Variants in C4BPA observed in about 807,000 individuals in gnomAD.
C4BPA encodes the protein C4b-binding protein alpha chain.
A neutral mutation model predicts 63.7 loss-of-function variants in C4BPA; 31 were observed. The ratio of observed to expected loss-of-function variants is 0.49; its 90% CI spans 0.37 to 0.66. C4BPA has a LOEUF of 0.66. Among genes scored for constraint, C4BPA ranks in the 30% least tolerant of loss-of-function variants. The pLI is 0.00. For synonymous variants in C4BPA, 259 were observed against 254.7 expected, an observed-to-expected ratio of 1.02 and a Z score of -0.16; for missense variants, 572 against 723.3, an observed-to-expected ratio of 0.79 and a Z score of 2.40.
chr1:207,136,736 A>T (rs1386756526), intron 9 of C4BPA, among the ~76,000 whole-genome samples: 2 of 152,198 alleles, frequency 1.3e-5, no homozygotes, highest in African/African-American at 4.8e-5. Flanking sequence ...TGAATATTTC[A>T]AGTGGAAAAC....
chr1:207,141,747 T>G (rs181318128), intron 10 of C4BPA, among the ~76,000 whole-genome samples: 1 of 151,730 alleles, frequency 6.6e-6, no homozygotes, highest in Non-Finnish European at 1.5e-5. Flanking sequence ...TCAGGGAGGG[T>G]GAAGGGGGAC....
At chr1:207,121,764 CTCTTTA>C (rs1478815199) in intron 4 of C4BPA, among the ~76,000 whole-genome samples, 1 of 151,652 alleles carries the variant, frequency 6.6e-6, no homozygotes, top group Non-Finnish European at 1.5e-5. Context: ...ATCATTATTC[CTCTTTA>C]TCTTTAGACA....
chr1:207,136,591 A>T (rs1159735676), intron 9 of C4BPA, among the ~76,000 whole-genome samples: 1 of 152,154 alleles, frequency 6.6e-6, no homozygotes, highest in Non-Finnish European at 1.5e-5. Flanking sequence ...ACTTTCTTTC[A>T]GGAAGATTAC....
chr1:207,115,428 G>T lies in C4BPA; in HGVS notation c.341G>T (p.Arg114Ile). ...ATTTTTCTCCCAGACAAACGATGCA[G>T]ACACCCAGGAGAGTTACGTAATGGG... is the stretch of plus-strand genomic sequence containing the variant. Reference protein sequence around the residue: ...YNTFCIYKRCRHPGELRNGQV... With the variant: ...YNTFCIYKRCIHPGELRNGQV... The change falls in exon 4 of 12, where the codon AGA becomes ATA. Residue 114 changes from arginine (R) to isoleucine (I), a missense_variant. Physicochemically the swap from Arg to Ile is moderately conservative, Grantham distance 97. Transcript: ENST00000367070. 1 of 1,584,780 alleles carries T rather than the reference G, an allele frequency of 6.3e-7. No homozygotes were observed. The highest frequency in any genetic ancestry group is 8.6e-7 in the Non-Finnish European group (1 of 1,166,994).
At chr1:207,107,835 G>C (rs1301323118) in intron 1 of C4BPA, among the ~76,000 whole-genome samples, 1 of 152,202 alleles carries the variant, frequency 6.6e-6, no homozygotes, top group Non-Finnish European at 1.5e-5. Context: ...TGGAAGTGGA[G>C]TGTTGGAGAG....
Position 207,144,680 on chromosome 1 carries a change from A to C in C4BPA, c.1757A>C (p.Asp586Ala). The C allele has an allele frequency of 6.2e-7, 1 of 1,610,424 alleles. No individual in the cohort carries two copies. Among genetic ancestry groups the C allele is most frequent in the Non-Finnish European group, 8.5e-7 (1 of 1,178,776 alleles). Residue 586 changes from aspartate (D) to alanine (A), a missense_variant, in exon 12 of 12, where the codon GAC becomes GCC. Asp to Ala is a moderately radical substitution (Grantham distance 126). Transcript: ENST00000367070. ...LEIEQLELQR[D>A]SARQSTLDKE... is the part of the protein sequence containing the mutation. Reference sequence around the variant, plus strand: ...ATTGAACAACTGGAACTACAGAGAGACAGCGCAAGACAATCCACTTTGGAT... The same window carrying C: ...ATTGAACAACTGGAACTACAGAGAGCCAGCGCAAGACAATCCACTTTGGAT...
chr1:207,135,943 T>C (rs1685272107), intron 9 of C4BPA, among the ~76,000 whole-genome samples: 1 of 152,214 alleles, frequency 6.6e-6, no homozygotes, highest in Non-Finnish European at 1.5e-5. Context: ...TGCCAATTGT[T>C]CAGACACTCT....
In C4BPA at chr1:207,113,156, C is replaced by G. The variant is rs1684705760; in HGVS notation, c.131C>G (p.Pro44Arg). 1 of 1,610,272 alleles carries G rather than the reference C, an allele frequency of 6.2e-7. No homozygotes were observed. Among genetic ancestry groups the G allele is most frequent in the African/African-American group, 1.3e-5 (1 of 74,580 alleles). ...FQMTLIAALLPAVLGNCGPPP... is the reference protein window; with the variant it reads ...FQMTLIAALLRAVLGNCGPPP... Reference sequence around the variant, plus strand: ...ATGACCTTGATCGCTGCTCTGTTGCCTGCTGTTCTTGGTGAGTAGTGGGAA... The same window carrying G: ...ATGACCTTGATCGCTGCTCTGTTGCGTGCTGTTCTTGGTGAGTAGTGGGAA... Residue 44 changes from proline (P) to arginine (R), a missense_variant, in exon 2 of 12, where the codon CCT (proline) becomes CGT (arginine). Around this residue, in one of 2 missense-constraint regions of C4BPA, gnomAD observed 107 missense variants for 93.9 expected, o/e 1.14. Coordinates refer to ENST00000367070, the MANE Select transcript of C4BPA (RefSeq NM_000715.4).
At chr1:207,122,187 G>C (rs1684934335) in intron 4 of C4BPA, among the ~76,000 whole-genome samples, 1 of 152,078 alleles carries the variant, frequency 6.6e-6, no homozygotes, top group Non-Finnish European at 1.5e-5. Context: ...GTTGGCTGTA[G>C]TTTGTCCTAT....
At chr1:207,138,304 C>G in intron 9 of C4BPA, among the ~76,000 whole-genome samples, 1 of 152,122 alleles carries the variant, frequency 6.6e-6, no homozygotes, top group East Asian at 1.9e-4. Context: ...ATGCTCAATC[C>G]CAGATGCTCT....
intron 4 of C4BPA, among the ~76,000 whole-genome samples, chr1:207,117,676 C>T (rs1032977311): frequency 2.6e-5 from 4 of 151,948 alleles, no homozygotes; most frequent in Non-Finnish European, 5.9e-5. Context: ...AAATGAAGAC[C>T]CAAAAAGTGG....
chr1:207,125,275 C>G (rs937741908), intron 6 of C4BPA, among the ~76,000 whole-genome samples: 3 of 152,220 alleles, frequency 2.0e-5, no homozygotes, highest in African/African-American at 7.2e-5. Flanking sequence ...GTTTCAGTCT[C>G]AGGCATTCAG....
intron 6 of C4BPA, among the ~76,000 whole-genome samples, chr1:207,126,256 A>G (rs1685041896): frequency 6.8e-6 from 1 of 148,110 alleles, no homozygotes; most frequent in South Asian, 2.1e-4. Context: ...ACATATGTGT[A>G]TATATAAATA....
At chr1:207,113,283 A>G (rs1309659042) in intron 2 of C4BPA, 116 bp downstream of exon 2, 2 of 1,150,674 alleles carry the variant, frequency 1.7e-6, no homozygotes, top group East Asian at 5.0e-5. Context: ...CAGCTTCATC[A>G]ACAAGTGGTT....
chr1:207,116,298 G>T (rs61525336), intron 4 of C4BPA, among the ~76,000 whole-genome samples: 25,002 of 152,012 alleles, frequency 0.16, 2,423 homozygotes, highest in African/African-American at 0.26. Context: ...GTTAAGTATA[G>T]TTTTATATGT....
intron 8 of C4BPA, among the ~76,000 whole-genome samples, chr1:207,132,030 G>A (rs1685171675): frequency 1.3e-5 from 2 of 152,170 alleles, no homozygotes; most frequent in East Asian, 1.9e-4. Flanking sequence ...AACTAGAATG[G>A]AGAATACAGC....
At chr1:207,111,528 T>C (rs1684667860) in intron 1 of C4BPA, among the ~76,000 whole-genome samples, 1 of 152,136 alleles carries the variant, frequency 6.6e-6, no homozygotes, top group African/African-American at 2.4e-5. Context: ...TGTGAGTCTT[T>C]ACTCAATGAA....
At position 207,141,112 on chromosome 1, in the gene C4BPA, A is replaced by G. The variant is rs1179899471; in HGVS notation, c.1280A>G (p.Asn427Ser). ...PRTPSCGDICNFPPKIAHGHY... is the reference protein window; with the variant it reads ...PRTPSCGDICSFPPKIAHGHY... ...TTTTTGTCTCTCCCTCAAGTTTGCAATTTTCCTCCTAAAATTGCCCATGGG... is the reference window on the plus strand; with the variant it reads ...TTTTTGTCTCTCCCTCAAGTTTGCAGTTTTCCTCCTAAAATTGCCCATGGG... Residue 427 changes from asparagine to serine, a missense_variant, in exon 10 of 12, where the codon AAT (asparagine) becomes AGT (serine). Asn to Ser is a conservative substitution (Grantham distance 46). Around this residue, in one of 2 missense-constraint regions of C4BPA, gnomAD observed 465 missense variants for 629.4 expected, o/e 0.74. Transcript: ENST00000367070. The G allele has an allele frequency of 1.9e-6, 3 of 1,610,848 alleles. No individual in the cohort carries two copies. Among genetic ancestry groups the G allele is most frequent in the East Asian group, 4.5e-5 (2 of 44,776 alleles).
At chr1:207,138,410 T>C (rs918274606) in intron 9 of C4BPA, among the ~76,000 whole-genome samples, 1 of 152,234 alleles carries the variant, frequency 6.6e-6, no homozygotes, top group Admixed American at 6.5e-5. Context: ...GATCACTTGA[T>C]GACCCAATGT....
Sources: gnomAD v4.1 joint callset for allele counts (sites outside exome capture counted in the v4.1 genomes callset) on GRCh38, gnomAD v4.1.1 for gene constraint, gnomAD v4.1.1 regional missense constraint, MANE v1.5 for transcripts, NCBI Gene and HGNC (gene_info 2026-07-23, HGNC 2026-07-21) for gene names.